The following LCORL variants were observed in gnomAD, a reference collection of about 807,000 sequenced individuals.
The protein encoded by LCORL is ligand dependent nuclear receptor corepressor like.
A neutral mutation model predicts 141.8 loss-of-function variants in LCORL; 41 were observed. That is an observed-to-expected ratio of 0.29 (90% CI 0.23 to 0.38). LCORL has a LOEUF of 0.38. Ranked by LOEUF, LCORL falls within the 10% of genes least tolerant of loss-of-function variation. The probability of loss-of-function intolerance (pLI) is 1.00; values close to 1 mark genes in which losing one functional copy is unlikely to be tolerated. For synonymous variants in LCORL, 618 were observed against 694.1 expected, an observed-to-expected ratio of 0.89 and a Z score of 1.72; for missense variants, 1,759 against 2,035.0, an observed-to-expected ratio of 0.86 and a Z score of 2.61.
chr4:17,955,813 A>T (rs921090406), intron 4 of LCORL, among the ~76,000 whole-genome samples: 6 of 152,138 alleles, frequency 3.9e-5, no homozygotes, highest in African/African-American at 1.4e-4. Flanking sequence ...AAGGGAGTTA[A>T]GATCTTACAT....
intron 5 of LCORL, among the ~76,000 whole-genome samples, chr4:17,894,776 G>T (rs994732415): frequency 6.6e-6 from 1 of 151,958 alleles, no homozygotes; most frequent in Admixed American, 6.6e-5. Flanking sequence ...CTCCTGAAAG[G>T]GTTTCAGGGA....
At chr4:17,961,754 G>A in intron 4 of LCORL, 149 bp downstream of exon 4, 2 of 550,228 alleles carry the variant, frequency 3.6e-6, no homozygotes, top group Non-Finnish European at 6.2e-6. Flanking sequence ...GACTCCTACT[G>A]TCCCTAAAAA....
In LCORL at chr4:18,012,837, T is replaced by C. The variant is rs989416790; in HGVS notation, c.154+8761A>G. ...CATGGTTATCACTGATACAGAAAAG[T>C]ATTCCCCATCTTACTAAGTATGGTA... On this transcript the variant is annotated intron_variant, in intron 1 of 7. Transcript: ENST00000635767. Among the ~76,000 whole-genome samples, 4 of 152,210 alleles carry C rather than the reference T, an allele frequency of 2.6e-5. No individual in the cohort carries two copies. In the East Asian group the frequency reaches 7.7e-4, roughly 29 times the overall value.
intron 2 of LCORL, among the ~76,000 whole-genome samples, chr4:17,964,877 T>G (rs1430206723): frequency 6.6e-6 from 1 of 152,046 alleles, no homozygotes; most frequent in Non-Finnish European, 1.5e-5. Context: ...TTTTTTTTTT[T>G]TTTCTTTAAA....
In LCORL at chr4:17,851,853, C is replaced by G. The variant is rs1205388527; in HGVS notation, c.5603-5952G>C. ...ATAATGTATAATAAAACTTACAGAT[C>G]TTTGAAAATCTGATGTTAAAAAGTG... is the stretch of plus-strand genomic sequence containing the variant. On this transcript the variant is annotated intron_variant, in intron 7 of 7. Coordinates refer to ENST00000635767, the Ensembl canonical transcript of LCORL. 5.3e-5 allele frequency among the ~76,000 whole-genome samples: 8 copies of G among 152,256 alleles called. No homozygotes were observed. In the South Asian group the frequency reaches 1.7e-3, roughly 32 times the overall value.
intron 1 of LCORL, among the ~76,000 whole-genome samples, chr4:17,998,817 T>C (rs1282858704): frequency 6.6e-6 from 1 of 150,536 alleles, no homozygotes; most frequent in African/African-American, 2.5e-5. Flanking sequence ...CCACAAAAAT[T>C]AGCCAGGCAT....
chr4:17,868,385 A>T (rs1305337016), intron 7 of LCORL, among the ~76,000 whole-genome samples: 2 of 152,108 alleles, frequency 1.3e-5, no homozygotes, highest in East Asian at 3.9e-4. Context: ...GGGAAAATTT[A>T]ATGTTTTAGG....
intron 1 of LCORL, among the ~76,000 whole-genome samples, chr4:18,009,886 C>T (rs1413310669): frequency 1.3e-5 from 2 of 152,168 alleles, no homozygotes; most frequent in Non-Finnish European, 2.9e-5. Flanking sequence ...GATCCCACTC[C>T]TCTTACATGA....
In LCORL at chr4:17,897,213, CTTTTTTTTTTTTTT is replaced by C. The variant is rs761784734; in HGVS notation, c.683-11066_683-11053del. Among the ~76,000 whole-genome samples, 104 of 63,984 alleles carry C rather than the reference CTTTTTTTTTTTTTT, an allele frequency of 1.6e-3. 4 individuals carry two copies. Among genetic ancestry groups the C allele is most frequent in the South Asian group, 8.8e-3 (15 of 1,712 alleles). The allele number at this position is 63,984 out of a possible 152,430, so 42.0% of individuals were successfully genotyped here. A position where few individuals can be genotyped will look rare whatever the true frequency, so the allele number is the denominator to read the frequency against. ...AGACTTCTCTTTGATATACTGATTT[CTTTTTTTTTTTTTT>C]TTTTTTTTTTTTTTTTTTTTTTTTA... On this transcript the variant is annotated intron_variant, in intron 5 of 7. Transcript: ENST00000635767.
intron 4 of LCORL, chr4:17,912,784 C>G (rs1040895994): frequency 2.6e-5 from 11 of 420,838 alleles, no homozygotes; most frequent in East Asian, 5.9e-5. Flanking sequence ...CCCAGGAGTA[C>G]GAGGTCCTGC....
chr4:17,880,810 AAGAC>A, intron 6 of LCORL: 8 of 894,734 alleles, frequency 8.9e-6, no homozygotes, highest in Non-Finnish European at 1.1e-5. Flanking sequence ...TTTACAACAC[AAGAC>A]AGATACATGA....
chr4:17,961,124 T>C (rs1434073680), intron 4 of LCORL, among the ~76,000 whole-genome samples: 1 of 152,076 alleles, frequency 6.6e-6, no homozygotes, highest in Non-Finnish European at 1.5e-5. Flanking sequence ...GACAATATGG[T>C]AATGTTTTCT....
At chr4:17,964,759 A>T (rs1442948096) in intron 2 of LCORL, among the ~76,000 whole-genome samples, 1 of 152,112 alleles carries the variant, frequency 6.6e-6, no homozygotes, top group Non-Finnish European at 1.5e-5. Context: ...CAGATCACCC[A>T]TAAGCGTGCA....
intron 7 of LCORL, among the ~76,000 whole-genome samples, chr4:17,851,327 T>G (rs1045038162): frequency 2.0e-5 from 3 of 152,094 alleles, no homozygotes; most frequent in Non-Finnish European, 2.9e-5. Context: ...AAGAAGTCTA[T>G]CGGTGCTCCA....
chr4:18,000,253 G>GAC (rs1030712946), intron 1 of LCORL, among the ~76,000 whole-genome samples: 12 of 151,330 alleles, frequency 7.9e-5, no homozygotes, highest in African/African-American at 2.9e-4. Flanking sequence ...CTTCTTTGTG[G>GAC]ACACACACAC....
At position 17,962,960 on chromosome 4, in the gene LCORL, TA is replaced by T; in HGVS notation, c.300+9del. 1 of 1,507,486 alleles carries T rather than the reference TA, an allele frequency of 6.6e-7. No individual in the cohort carries two copies. 93.4% of individuals were successfully genotyped at this position (1,507,486 alleles called of 1,614,324 possible). A position where few individuals can be genotyped will look rare whatever the true frequency, so the allele number is the denominator to read the frequency against. On this transcript the variant is annotated intron_variant, in intron 3 of 7. Transcript: ENST00000635767. ...TAGTTTAAAGATAATTTCATAGCAC[TA>T]AAACTTACACTGACTGCTTCTCTCT...
At chr4:17,919,269 C>A (rs188635974) in intron 4 of LCORL, among the ~76,000 whole-genome samples, 20 of 152,158 alleles carry the variant, frequency 1.3e-4, no homozygotes, top group African/African-American at 4.3e-4. Context: ...AAATTTACCC[C>A]AAAGAGAGGC....
At chr4:17,854,152 GT>G (rs1724092274) in intron 7 of LCORL, among the ~76,000 whole-genome samples, 2 of 152,082 alleles carry the variant, frequency 1.3e-5, no homozygotes, top group Non-Finnish European at 2.9e-5. Flanking sequence ...TAGAGCTCGA[GT>G]TCTGATCCTG....
At chr4:17,848,806 A>G (rs1172493934) in intron 7 of LCORL, among the ~76,000 whole-genome samples, 1 of 152,222 alleles carries the variant, frequency 6.6e-6, no homozygotes, top group East Asian at 1.9e-4. Flanking sequence ...CGGCACCTGG[A>G]AAATCAGGTC....
Sources: allele counts gnomAD v4.1 joint callset (sites outside exome capture counted in the v4.1 genomes callset), GRCh38; gene constraint gnomAD v4.1.1; transcripts MANE v1.5; gene names NCBI Gene and HGNC (gene_info 2026-07-23, HGNC 2026-07-21).